TANC2: variants seen among roughly 807,000 people sequenced by gnomAD.
TANC2 encodes the protein protein TANC2.
A neutral mutation model predicts 210.5 loss-of-function variants in TANC2; 26 were observed. The observed-to-expected ratio is 0.12, with a 90% CI of 0.09 to 0.17. The LOEUF is 0.17. TANC2 is among the 10% of genes least tolerant of loss of function. The pLI is 1.00. For missense variants in TANC2, 2,129 were observed against 2,608.9 expected (o/e 0.82, Z 4.01); for synonymous variants, 931 against 967.1 (o/e 0.96, Z 0.69).
intron 1 of TANC2, chr17:62,978,526 T>C (rs77952402): frequency 0.029 from 4,428 of 152,302 alleles, 80 homozygotes; most frequent in South Asian, 0.037. Flanking sequence ...TTACTGGCCA[T>C]TGGTTGCCAA....
chr17:63,219,780 A>G (rs998185522), intron 7 of TANC2, among the ~76,000 whole-genome samples: 16 of 152,200 alleles, frequency 1.1e-4, no homozygotes, highest in African/African-American at 3.6e-4. Flanking sequence ...CATGTTCTGC[A>G]CATATATCCA....
intron 3 of TANC2, among the ~76,000 whole-genome samples, chr17:63,096,485 A>G (rs1212900231): frequency 1.3e-5 from 2 of 152,186 alleles, no homozygotes; most frequent in East Asian, 1.9e-4. Flanking sequence ...AACATTTCAT[A>G]TAAGTGGAAT....
At chr17:63,413,441 TTC>T (rs1254930087) in intron 24 of TANC2, 100 bp from the exon 25 acceptor site, 4 of 825,824 alleles carry the variant, frequency 4.8e-6, no homozygotes, top group Non-Finnish European at 7.6e-6. Flanking sequence ...GAGCAAGTTG[TTC>T]TCTCAGCAGA....
chr17:63,410,341 C>CG (rs947277921), intron 21 of TANC2, among the ~76,000 whole-genome samples: 1 of 136,758 alleles, frequency 7.3e-6, no homozygotes, highest in Admixed American at 7.1e-5. Context: ...CTCCAATCCC[C>CG]CCCCCCCATC....
intron 7 of TANC2, among the ~76,000 whole-genome samples, chr17:63,230,521 G>A (rs2042447560): frequency 6.6e-6 from 1 of 152,128 alleles, no homozygotes; most frequent in East Asian, 1.9e-4. Context: ...CTTGATTTCT[G>A]TCTTAATTTC....
chr17:63,407,406 A>AC (rs2048547181), intron 21 of TANC2, among the ~76,000 whole-genome samples: 1 of 152,196 alleles, frequency 6.6e-6, no homozygotes, highest in Admixed American at 6.5e-5. Context: ...TCCAGAACAA[A>AC]CCAAGTCCAC....
At chr17:63,170,334 C>G (rs2040361559) in intron 5 of TANC2, among the ~76,000 whole-genome samples, 1 of 150,510 alleles carries the variant, frequency 6.6e-6, no homozygotes, top group Non-Finnish European at 1.5e-5. Flanking sequence ...ACTCGGGAGG[C>G]TCAGGCAGGA....
chr17:63,161,359 CTAAAA>C (rs1229434800), intron 5 of TANC2, among the ~76,000 whole-genome samples: 2 of 152,040 alleles, frequency 1.3e-5, no homozygotes, highest in Non-Finnish European at 2.9e-5. Flanking sequence ...GAGACCATGT[CTAAAA>C]TAAAATAAAA....
chr17:63,097,069 C>G (rs1485074980), intron 3 of TANC2, among the ~76,000 whole-genome samples: 2 of 150,208 alleles, frequency 1.3e-5, no homozygotes, highest in Non-Finnish European at 3.0e-5. Flanking sequence ...AAGAAATGGT[C>G]TCACTCTGTC....
At chr17:63,061,084 T>C (rs2035979661) in intron 2 of TANC2, among the ~76,000 whole-genome samples, 1 of 151,982 alleles carries the variant, frequency 6.6e-6, no homozygotes. Context: ...TTAAAGATTA[T>C]GGCCAGGCAC....
chr17:63,403,302 C>T (rs2048398471), intron 19 of TANC2, among the ~76,000 whole-genome samples: 1 of 152,140 alleles, frequency 6.6e-6, no homozygotes, highest in African/African-American at 2.4e-5. Flanking sequence ...CAGAGGTTTG[C>T]TGCAAACTTA....
intron 17 of TANC2, chr17:63,390,486 C>T (rs1015345207): frequency 2.0e-5 from 3 of 152,154 alleles, no homozygotes; most frequent in Non-Finnish European, 4.4e-5. Context: ...AACTGGGCCT[C>T]GTTACTATTT....
intron 4 of TANC2, among the ~76,000 whole-genome samples, chr17:63,142,848 A>C (rs1011431128): frequency 1.3e-5 from 2 of 152,204 alleles, no homozygotes; most frequent in Admixed American, 6.5e-5. Flanking sequence ...AACATATATT[A>C]AACTCCGATG....
intron 7 of TANC2, among the ~76,000 whole-genome samples, chr17:63,236,189 G>A (rs1289299151): frequency 6.6e-6 from 1 of 152,052 alleles, no homozygotes; most frequent in East Asian, 1.9e-4. Context: ...GGACCGCTGA[G>A]GCTCTCCAGC....
intron 9 of TANC2, among the ~76,000 whole-genome samples, chr17:63,290,311 A>G (rs2044347482): frequency 6.6e-6 from 1 of 152,064 alleles, no homozygotes; most frequent in African/African-American, 2.4e-5. Context: ...TGTCAGTAGC[A>G]AGTCAGGTTT....
chr17:63,198,922 T>A (rs1406098583), intron 6 of TANC2, among the ~76,000 whole-genome samples: 1 of 152,178 alleles, frequency 6.6e-6, no homozygotes, highest in Non-Finnish European at 1.5e-5. Context: ...GAGCTTACTG[T>A]GTTGTTAAGA....
At position 63,226,269 on chromosome 17, in the gene TANC2, A is replaced by C. The variant is rs117356297; in HGVS notation, c.770-11545A>C. On this transcript the variant is annotated intron_variant, in intron 7 of 27. Coordinates refer to ENST00000689528, the Ensembl canonical transcript of TANC2. ...TACTGTAATGTATTCTACTCACTAG[A>C]ACCAAAGTAATCTTTCCAAAATGTA... 7.5e-3 allele frequency among the ~76,000 whole-genome samples: 1,145 copies of C among 152,314 alleles called. 7 individuals carry two copies. The highest frequency in any genetic ancestry group is 0.013 in the Non-Finnish European group (851 of 68,018).
chr17:63,187,097 A>G (rs2041015312), intron 5 of TANC2, among the ~76,000 whole-genome samples: 1 of 152,180 alleles, frequency 6.6e-6, no homozygotes, highest in Admixed American at 6.5e-5. Flanking sequence ...CAAATAATTG[A>G]TATGATGACT....
intron 2 of TANC2, among the ~76,000 whole-genome samples, chr17:63,035,243 A>G (rs548664682): frequency 6.6e-6 from 1 of 152,336 alleles, no homozygotes; most frequent in Admixed American, 6.5e-5. Context: ...TTTTTTAGCA[A>G]GAGAATATTT....
Sources: gnomAD v4.1 joint callset for allele counts (sites outside exome capture counted in the v4.1 genomes callset) on GRCh38, gnomAD v4.1.1 for gene constraint, MANE v1.5 for transcripts, NCBI Gene and HGNC (gene_info 2026-07-23, HGNC 2026-07-21) for gene names.